Variants in LOXL2 observed in about 807,000 individuals in gnomAD.
The protein encoded by LOXL2 is lysyl oxidase like 2.
A neutral mutation model predicts 93.0 loss-of-function variants in LOXL2; 70 were observed. The observed-to-expected ratio is 0.75, with a 90% CI of 0.62 to 0.92. LOXL2 has a LOEUF of 0.92. Ranked by LOEUF, LOXL2 falls within the 40% of genes least tolerant of loss-of-function variation. The pLI is 0.00. For synonymous variants in LOXL2, 438 were observed against 413.2 expected (o/e 1.06, Z -0.73); for missense variants, 973 against 1,054.9 (o/e 0.92, Z 1.08).
intron 3 of LOXL2, among the ~76,000 whole-genome samples, chr8:23,349,174 GA>G: frequency 6.6e-6 from 1 of 152,120 alleles, no homozygotes; most frequent in East Asian, 1.9e-4. Flanking sequence ...TGTGCAAGGA[GA>G]ATCATGGGAA....
At position 23,360,161 on chromosome 8, in the gene LOXL2, C is replaced by T. The variant is rs761724543; in HGVS notation, c.460G>A (p.Val154Ile). ...CTTTTGTCGCTGCACACCACACCGACATCCTCCGTGTGCTTGCAGTCAGTG... is the reference window on the plus strand; with the variant it reads ...CTTTTGTCGCTGCACACCACACCGATATCCTCCGTGTGCTTGCAGTCAGTG... Reference protein sequence around the residue: ...GVTDCKHTEDVGVVCSDKRIP... With the variant: ...GVTDCKHTEDIGVVCSDKRIP... Residue 154 changes from valine (V) to isoleucine (I), a missense_variant, in exon 3 of 14, where the codon GTC becomes ATC. Physicochemically the swap from Val to Ile is conservative, Grantham distance 29. Transcript: ENST00000389131. 8 of 1,613,988 alleles carry T rather than the reference C, an allele frequency of 5.0e-6. No individual in the cohort carries two copies. In the Admixed American group the frequency reaches 8.3e-5, roughly 17 times the overall value.
rs75171130 is a variant in LOXL2 at position 23,315,666 on chromosome 8, C to G, written c.1636+1283G>C. Among the ~76,000 whole-genome samples the G allele has an allele frequency of 4.1e-3, 626 of 152,296 alleles. 7 individuals carry two copies. Among genetic ancestry groups the G allele is most frequent in the African/African-American group, 0.014 (588 of 41,552 alleles). Reference sequence around the variant, plus strand: ...ATTAATGACCAGTATTCTCTTTGCTCTGGCTGCTAGGAAGCTCACTGTGAA... The same window carrying G: ...ATTAATGACCAGTATTCTCTTTGCTGTGGCTGCTAGGAAGCTCACTGTGAA... On this transcript the variant is annotated intron_variant, in intron 9 of 13. Transcript: ENST00000389131.
chr8:23,320,192 G>A (rs1331537202), intron 7 of LOXL2, 140 bp from the exon 8 acceptor site: 8 of 894,314 alleles, frequency 8.9e-6, no homozygotes, highest in African/African-American at 1.7e-5. Flanking sequence ...GCACCCTTGG[G>A]AGCCCCCGGT....
intron 1 of LOXL2, among the ~76,000 whole-genome samples, chr8:23,373,638 C>T (rs1383450605): frequency 6.6e-6 from 1 of 152,230 alleles, no homozygotes; most frequent in Non-Finnish European, 1.5e-5. Flanking sequence ...TGTGCAGGCA[C>T]TGTTCTCAAC....
intron 2 of LOXL2, among the ~76,000 whole-genome samples, 168 bp from the exon 3 acceptor site, chr8:23,360,433 G>C (rs907945031): frequency 6.6e-6 from 1 of 152,150 alleles, no homozygotes; most frequent in Admixed American, 6.5e-5. Context: ...TCTAAACCAT[G>C]GGGATTCCTG....
chr8:23,324,583 T>TA (rs1803548227), intron 6 of LOXL2, among the ~76,000 whole-genome samples: 1 of 152,234 alleles, frequency 6.6e-6, no homozygotes, highest in South Asian at 2.1e-4. Flanking sequence ...AGCTGTCACC[T>TA]ACTCCTGTGT....
intron 1 of LOXL2, among the ~76,000 whole-genome samples, chr8:23,397,771 T>G (rs1311484606): frequency 7.5e-6 from 1 of 133,246 alleles, no homozygotes; most frequent in Non-Finnish European, 1.6e-5. Flanking sequence ...AGAGCAAGAC[T>G]CTGTCTCAAA....
chr8:23,378,772 C>T (rs1804630492), intron 1 of LOXL2, among the ~76,000 whole-genome samples: 2 of 152,218 alleles, frequency 1.3e-5, no homozygotes, highest in African/African-American at 4.8e-5. Flanking sequence ...AGTTCTCGTG[C>T]CATGGTTTTC....
At chr8:23,316,137 C>T (rs941617086) in intron 9 of LOXL2, among the ~76,000 whole-genome samples, 2 of 152,212 alleles carry the variant, frequency 1.3e-5, no homozygotes, top group South Asian at 2.1e-4. Flanking sequence ...TTCAATCCCG[C>T]GTTCTCCGTG....
chr8:23,358,712 G>A (rs61277646), intron 3 of LOXL2, among the ~76,000 whole-genome samples: 11,188 of 152,284 alleles, frequency 0.073, 913 homozygotes, highest in African/African-American at 0.21. Flanking sequence ...AGCCATAAAT[G>A]TGGATTTTCA....
At chr8:23,359,846 G>C (rs1804259363) in intron 3 of LOXL2, among the ~76,000 whole-genome samples, 1 of 152,128 alleles carries the variant, frequency 6.6e-6, no homozygotes, top group Non-Finnish European at 1.5e-5. Flanking sequence ...GCTTACCCCA[G>C]CCCAACCTTC....
At chr8:23,301,263 T>C (rs975276425) in intron 12 of LOXL2, among the ~76,000 whole-genome samples, 15 of 152,326 alleles carry the variant, frequency 9.8e-5, no homozygotes, top group Non-Finnish European at 2.1e-4. Flanking sequence ...GCAGGCTACG[T>C]GTACCCGTGC....
chr8:23,329,900 GCATGGTGGGGTGCTGGGACAGCACCC>G (rs1480886757), intron 5 of LOXL2, among the ~76,000 whole-genome samples: 2 of 152,184 alleles, frequency 1.3e-5, no homozygotes, highest in Non-Finnish European at 2.9e-5. Context: ...GCTGGCCATG[GCATGGTGGGGTGCTGGGACAGCACCC>G]AGATTTACAG....
chr8:23,377,079 T>C (rs1362084849), intron 1 of LOXL2, among the ~76,000 whole-genome samples: 1 of 152,210 alleles, frequency 6.6e-6, no homozygotes, highest in African/African-American at 2.4e-5. Context: ...GGGCATTTAG[T>C]GCTATAAATT....
Position 23,341,162 on chromosome 8 carries a change from G to A in LOXL2, c.573C>T (p.Ile191=), listed in dbSNP as rs372906411. 5.0e-6 allele frequency: 8 copies of A among 1,613,574 alleles called. No individual in the cohort carries two copies. The highest frequency in any genetic ancestry group is 6.8e-6 in the Non-Finnish European group (8 of 1,180,044). ...IQVEDIRIRA[I]LSTYRKRTPV... ...GGGTGCGCTTGCGGTAGGTTGAGAGGATGGCTCGAATCCGAATGTCCTCCA... is the reference window on the plus strand; with the variant it reads ...GGGTGCGCTTGCGGTAGGTTGAGAGAATGGCTCGAATCCGAATGTCCTCCA... The change falls in exon 4 of 14, where the codon ATC becomes ATT. Residue 191 remains isoleucine (I), a synonymous_variant. Transcript: ENST00000389131.
At chr8:23,387,499 T>C (rs1352737502) in intron 1 of LOXL2, among the ~76,000 whole-genome samples, 1 of 152,202 alleles carries the variant, frequency 6.6e-6, no homozygotes, top group African/African-American at 2.4e-5. Context: ...CTCTGCCACC[T>C]CTTTACTGAC....
intron 10 of LOXL2, 79 bp downstream of exon 10, chr8:23,309,589 G>T: frequency 7.5e-7 from 1 of 1,326,312 alleles, no homozygotes; most frequent in South Asian, 2.1e-5. Flanking sequence ...AAGTGACCCT[G>T]GCAACTCTCA....
At chr8:23,373,329 G>A (rs1804529562) in intron 1 of LOXL2, among the ~76,000 whole-genome samples, 1 of 152,082 alleles carries the variant, frequency 6.6e-6, no homozygotes, top group African/African-American at 2.4e-5. Flanking sequence ...TTTGAATTCA[G>A]GAAGGTTTTC....
At chr8:23,350,963 T>C (rs1035826813) in intron 3 of LOXL2, among the ~76,000 whole-genome samples, 3 of 152,152 alleles carry the variant, frequency 2.0e-5, no homozygotes, top group Admixed American at 1.3e-4. Flanking sequence ...TGGTCAGGCC[T>C]GACCACCCAC....
Sources: allele counts gnomAD v4.1 joint callset (sites outside exome capture counted in the v4.1 genomes callset), GRCh38; gene constraint gnomAD v4.1.1; transcripts MANE v1.5; gene names NCBI Gene and HGNC (gene_info 2026-07-23, HGNC 2026-07-21).